Variants in IMPA1 observed in about 807,000 individuals in gnomAD.
The protein encoded by IMPA1 is inositol monophosphatase 1.
In IMPA1, 21 loss-of-function variants were observed where a neutral mutation model predicts 34.9. The ratio of observed to expected loss-of-function variants is 0.60; its 90% confidence interval spans 0.43 to 0.87. The LOEUF (loss-of-function observed/expected upper bound fraction) is 0.87. Ranked by LOEUF, IMPA1 falls within the 40% of genes least tolerant of loss-of-function variation. The pLI is 0.00. For synonymous variants in IMPA1, 95 were observed against 104.4 expected (o/e 0.91, Z 0.55); for missense variants, 299 against 336.4 (o/e 0.89, Z 0.87).
chr8:81,679,485 C>T (rs935145565), intron 3 of IMPA1, among the ~76,000 whole-genome samples: 2 of 151,910 alleles, frequency 1.3e-5, no homozygotes, highest in African/African-American at 2.4e-5. Context: ...TGGTGGCAGG[C>T]GCCTGTAATC....
intron 1 of IMPA1, among the ~76,000 whole-genome samples, chr8:81,684,815 T>C (rs1318689447): frequency 1.4e-5 from 2 of 141,386 alleles, no homozygotes; most frequent in Non-Finnish European, 3.0e-5. Context: ...CTATGTGGAG[T>C]ATATATACTA....
intron 4 of IMPA1, among the ~76,000 whole-genome samples, chr8:81,677,293 C>T (rs950506448): frequency 6.6e-6 from 1 of 152,106 alleles, no homozygotes; most frequent in Non-Finnish European, 1.5e-5. Flanking sequence ...CGGGGTTTCT[C>T]CATGTTGGTC....
At chr8:81,686,042 G>A (rs1807513902) in intron 1 of IMPA1, 2 of 1,199,262 alleles carry the variant, frequency 1.7e-6, no homozygotes, top group South Asian at 1.8e-5. Context: ...TCGCGTGAGC[G>A]AACCGCTACT....
At position 81,671,001 on chromosome 8, in the gene IMPA1, T is replaced by C. The variant is rs772993809; in HGVS notation, c.504A>G (p.Thr168=). 92 of 1,532,926 alleles carry C rather than the reference T, an allele frequency of 6.0e-5. No homozygotes were observed. The Middle Eastern group carries it at 6.8e-4, about 11-fold the overall frequency. 95.0% of individuals were successfully genotyped at this position (1,532,926 alleles called of 1,614,324 possible). The part of the protein sequence containing the change: ...LLVTELGSSR[T]PETVRMVLSN... ...AAAGAACCATTCTCACAGTCTCTGG[T>C]GTTCTGGAAGAGCCCAACTCAGTCA... The change falls in exon 7 of 9, where the codon ACA becomes ACG. Residue 168 remains threonine (T), a synonymous_variant. Transcript: ENST00000256108.
intron 4 of IMPA1, among the ~76,000 whole-genome samples, chr8:81,678,333 T>C (rs1807187674): frequency 6.6e-6 from 1 of 152,186 alleles, no homozygotes; most frequent in African/African-American, 2.4e-5. Flanking sequence ...TCATTAGTTT[T>C]ACTAAAATAC....
At chr8:81,678,804 A>AC (rs1206828210) in intron 4 of IMPA1, 10 of 248,620 alleles carry the variant, frequency 4.0e-5, no homozygotes, top group South Asian at 1.6e-4. Flanking sequence ...CATGCAGTGC[A>AC]AAGTGCCCTT....
chr8:81,685,779 C>A (rs781302461), intron 1 of IMPA1: 2 of 1,528,986 alleles, frequency 1.3e-6, no homozygotes, highest in South Asian at 1.2e-5. Context: ...TTTCCCAAAG[C>A]CATAAACACC....
intron 1 of IMPA1, chr8:81,686,051 C>G: frequency 8.7e-7 from 1 of 1,144,748 alleles, no homozygotes; most frequent in Non-Finnish European, 1.2e-6. Flanking sequence ...CGAACCGCTA[C>G]TCCAATGCCG....
chr8:81,686,094 A>G (rs1192204777), intron 1 of IMPA1, 158 bp downstream of exon 1: 3 of 892,072 alleles, frequency 3.4e-6, no homozygotes, highest in African/African-American at 3.5e-5. Context: ...GCAGCTCCGG[A>G]TAACGCAGCA....
chr8:81,677,393 C>A (rs1377621027), intron 4 of IMPA1, among the ~76,000 whole-genome samples: 19 of 152,314 alleles, frequency 1.2e-4, no homozygotes, highest in Admixed American at 1.2e-3. Flanking sequence ...CCGCGCCTGG[C>A]CTGTGATGTT....
chr8:81,684,948 ATATT>A (rs1288128740), intron 1 of IMPA1, among the ~76,000 whole-genome samples: 2 of 132,962 alleles, frequency 1.5e-5, no homozygotes, highest in Non-Finnish European at 3.1e-5. Flanking sequence ...ATACATAAGT[ATATT>A]TAGATACTAT....
At chr8:81,684,517 C>CT (rs199895536) in intron 1 of IMPA1, among the ~76,000 whole-genome samples, 4,804 of 120,052 alleles carry the variant, frequency 0.04, 381 homozygotes, top group African/African-American at 0.058. Context: ...TCTTTAGATA[C>CT]TATGTGTAGT....
intron 1 of IMPA1, among the ~76,000 whole-genome samples, chr8:81,682,447 T>A (rs73283095): frequency 0.011 from 1,618 of 152,254 alleles, 22 homozygotes; most frequent in African/African-American, 0.036. Context: ...GAAACTCCTA[T>A]CTTGGGGCCC....
chr8:81,684,315 T>C (rs62512317), intron 1 of IMPA1, among the ~76,000 whole-genome samples: 1 of 145,244 alleles, frequency 6.9e-6, no homozygotes, highest in Admixed American at 7.0e-5. Context: ...ATATATACCA[T>C]ACATAAGTAT....
chr8:81,680,537 G>A (rs530691337), intron 3 of IMPA1, 113 bp downstream of exon 3: 15 of 762,828 alleles, frequency 2.0e-5, no homozygotes, highest in Admixed American at 2.9e-5. Context: ...CACTTTGACT[G>A]TAACTTCATG....
chr8:81,664,013 T>A (rs1241381767), intron 7 of IMPA1, among the ~76,000 whole-genome samples: 3 of 151,920 alleles, frequency 2.0e-5, no homozygotes, highest in Non-Finnish European at 2.9e-5. Flanking sequence ...GACTCCAGCC[T>A]GGCGACAGAG....
rs1364359359 is a variant in IMPA1, at chr8:81,659,213, A to C, written c.*138T>G. The C allele has an allele frequency of 3.0e-6, 2 of 657,188 alleles. No individual in the cohort carries two copies. The highest frequency in any genetic ancestry group is 5.9e-5 in the Admixed American group (2 of 34,122). The allele number at this position is 657,188 out of a possible 1,614,324, so 40.7% of individuals were successfully genotyped here. A position where few individuals can be genotyped will look rare whatever the true frequency, so the allele number is the denominator to read the frequency against. Reference sequence around the variant, plus strand: ...TTCTTGCAAACCTAGACATAGTAAAATAAGAAACAAGTTCCAAATTTTTGA... The same window carrying C: ...TTCTTGCAAACCTAGACATAGTAAACTAAGAAACAAGTTCCAAATTTTTGA... On this transcript the variant is annotated 3_prime_UTR_variant, in exon 9 of 9. Transcript: ENST00000256108.
intron 7 of IMPA1, among the ~76,000 whole-genome samples, chr8:81,669,059 C>T (rs1806914951): frequency 6.6e-6 from 1 of 152,186 alleles, no homozygotes. Flanking sequence ...GCTTTCCAGC[C>T]TCCACTTGGC....
At chr8:81,662,708 T>C (rs1413433519) in intron 7 of IMPA1, among the ~76,000 whole-genome samples, 1 of 151,924 alleles carries the variant, frequency 6.6e-6, no homozygotes, top group South Asian at 2.1e-4. Flanking sequence ...AATGTACTAA[T>C]GACTACAGCT....
Sources: gnomAD v4.1 joint callset for allele counts (sites outside exome capture counted in the v4.1 genomes callset) on GRCh38, gnomAD v4.1.1 for gene constraint, MANE v1.5 for transcripts, NCBI Gene and HGNC (gene_info 2026-07-23, HGNC 2026-07-21) for gene names.